Variants in MCM3AP observed in about 807,000 individuals in gnomAD.
The protein encoded by MCM3AP is germinal-center associated nuclear protein.
MCM3AP carries 126 observed loss-of-function variants against 184.1 expected under a neutral mutation model. That is an observed-to-expected ratio of 0.68 (90% CI 0.59 to 0.79). The LOEUF (loss-of-function observed/expected upper bound fraction) is 0.79, where lower values mean the gene tolerates loss of function less well. MCM3AP is among the 30% of genes least tolerant of loss of function. MCM3AP has a pLI of 0.00. For synonymous variants in MCM3AP, 1,002 were observed against 979.3 expected (o/e 1.02, Z -0.43); for missense variants, 2,496 against 2,479.2 (o/e 1.01, Z -0.14).
intron 2 of MCM3AP, among the ~76,000 whole-genome samples, chr21:46,282,328 C>A (rs2081343771): frequency 6.6e-6 from 1 of 152,074 alleles, no homozygotes; most frequent in South Asian, 2.1e-4. Flanking sequence ...CCGCGTCTGC[C>A]AACAGACGAA....
chr21:46,251,729 C>A (rs2080872657), intron 19 of MCM3AP, 47 bp from the exon 20 acceptor site: 2 of 1,190,992 alleles, frequency 1.7e-6, no homozygotes, highest in Admixed American at 2.3e-5. Flanking sequence ...CTTGAAGAAT[C>A]TAATTCTATA....
chr21:46,264,301 G>A (rs948588567), intron 12 of MCM3AP, 84 bp from the exon 13 acceptor site: 14 of 843,206 alleles, frequency 1.7e-5, no homozygotes, highest in African/African-American at 3.4e-5. Flanking sequence ...CGGACAGTCT[G>A]CAGGCGTCTC....
chr21:46,270,662 G>A (rs1292882333), intron 8 of MCM3AP, 99 bp from the exon 9 acceptor site: 38 of 1,083,744 alleles, frequency 3.5e-5, no homozygotes, highest in Non-Finnish European at 3.6e-5. Flanking sequence ...TCACTGGCCA[G>A]ATGCAGTGGC....
At chr21:46,266,921 T>C in intron 10 of MCM3AP, 61 bp downstream of exon 10, 2 of 1,573,770 alleles carry the variant, frequency 1.3e-6, no homozygotes, top group Non-Finnish European at 1.7e-6. Context: ...TCACAGCCCT[T>C]CATCAGAATT....
At chr21:46,263,057 C>G (rs140235516) in intron 13 of MCM3AP, among the ~76,000 whole-genome samples, 1 of 150,636 alleles carries the variant, frequency 6.6e-6, no homozygotes, top group African/African-American at 2.4e-5. Flanking sequence ...AGGCCAGGTG[C>G]GGTGGCTCAC....
intron 26 of MCM3AP, among the ~76,000 whole-genome samples, chr21:46,237,970 C>T (rs144778173): frequency 0.014 from 1,612 of 113,874 alleles, 504 homozygotes; most frequent in African/African-American, 0.055. Context: ...CATGGTGACA[C>T]GTGCCTGTAA....
intron 26 of MCM3AP, 40 bp from the exon 27 acceptor site, chr21:46,237,019 T>G: frequency 7.5e-7 from 1 of 1,326,736 alleles, no homozygotes; most frequent in Non-Finnish European, 1.0e-6. Context: ...ATTTGAGCAT[T>G]AGGAAGTTAA....
At chr21:46,238,380 GA>G (rs2080587285) in intron 26 of MCM3AP, among the ~76,000 whole-genome samples, 1 of 119,558 alleles carries the variant, frequency 8.4e-6, no homozygotes, top group Non-Finnish European at 1.8e-5. Flanking sequence ...ACATACTCTA[GA>G]GCTGTCTACT....
At chr21:46,253,274 T>C (rs2080900259) in intron 19 of MCM3AP, 1 of 152,256 alleles carries the variant, frequency 6.6e-6, no homozygotes, top group Admixed American at 6.5e-5. Flanking sequence ...AAAATGGAAC[T>C]ATAGTAAACA....
intron 21 of MCM3AP, 44 bp from the exon 22 acceptor site, chr21:46,246,448 A>G: frequency 7.2e-7 from 1 of 1,387,886 alleles, no homozygotes; most frequent in Non-Finnish European, 1.0e-6. Context: ...TTCTGCTGTC[A>G]GCACACCTGC....
At chr21:46,279,144 T>C (rs1216460009) in intron 4 of MCM3AP, among the ~76,000 whole-genome samples, 1 of 151,912 alleles carries the variant, frequency 6.6e-6, no homozygotes, top group Non-Finnish European at 1.5e-5. Flanking sequence ...AAATATTAGC[T>C]GGGCGTGGTG....
upstream of MCM3AP, chr21:46,286,245 T>A (rs960060820): frequency 6.6e-6 from 1 of 152,356 alleles, no homozygotes; most frequent in Non-Finnish European, 1.5e-5. Context: ...CACTCAGCGC[T>A]GCGCACCGCG....
chr21:46,274,767 C>T (rs1044705142), intron 6 of MCM3AP, among the ~76,000 whole-genome samples: 16 of 151,654 alleles, frequency 1.1e-4, no homozygotes, highest in East Asian at 7.8e-4. Flanking sequence ...AAGACCCCAT[C>T]GCTGCAAAAA....
intron 4 of MCM3AP, among the ~76,000 whole-genome samples, chr21:46,278,854 T>C (rs942779865): frequency 1.5e-4 from 23 of 151,900 alleles, no homozygotes; most frequent in Non-Finnish European, 3.1e-4. Context: ...TTTGTATTTT[T>C]AGTAGAGATG....
chr21:46,260,067 C>T (rs2081021780), intron 15 of MCM3AP, among the ~76,000 whole-genome samples: 3 of 151,786 alleles, frequency 2.0e-5, no homozygotes. Flanking sequence ...CAGAGCAAGA[C>T]TCCGTCTTTA....
chr21:46,240,747 C>G, intron 26 of MCM3AP, 64 bp downstream of exon 26: 1 of 1,417,220 alleles, frequency 7.1e-7, no homozygotes, highest in Non-Finnish European at 9.8e-7. Flanking sequence ...CAAGCAATAA[C>G]CAGTCTCCCC....
intron 26 of MCM3AP, 75 bp from the exon 27 acceptor site, chr21:46,237,054 A>G: frequency 1.3e-6 from 1 of 778,000 alleles, no homozygotes; most frequent in Non-Finnish European, 1.8e-6. Flanking sequence ...TCTTCTATAT[A>G]TACTTAAAAA....
chr21:46,236,176 G>T (rs1377286280), intron 27 of MCM3AP: 1 of 152,194 alleles, frequency 6.6e-6, no homozygotes, highest in Non-Finnish European at 1.5e-5. Context: ...CCAAACTGAT[G>T]AATGGAAACA....
At chr21:46,275,792 T>C (rs1452696114) in intron 5 of MCM3AP, among the ~76,000 whole-genome samples, 1 of 152,210 alleles carries the variant, frequency 6.6e-6, no homozygotes, top group Non-Finnish European at 1.5e-5. Context: ...ACTGTCTCAG[T>C]ATTCACCATG....
Sources: allele counts gnomAD v4.1 joint callset (sites outside exome capture counted in the v4.1 genomes callset), GRCh38; gene constraint gnomAD v4.1.1; transcripts MANE v1.5; gene names NCBI Gene and HGNC (gene_info 2026-07-23, HGNC 2026-07-21).